Variants in TANC2 observed in about 807,000 individuals in gnomAD.
The protein encoded by TANC2 is protein TANC2.
TANC2 carries 26 observed loss-of-function variants against 210.5 expected under a neutral mutation model. The ratio of observed to expected loss-of-function variants is 0.12; its 90% CI spans 0.09 to 0.17. The LOEUF is 0.17. Ranked by LOEUF, TANC2 falls within the 10% of genes least tolerant of loss-of-function variation. The pLI is 1.00. For missense variants in TANC2, 2,129 were observed against 2,608.9 expected (o/e 0.82, Z 4.01); for synonymous variants, 931 against 967.1 (o/e 0.96, Z 0.69).
At chr17:63,243,935 A>G (rs995454566) in intron 8 of TANC2, among the ~76,000 whole-genome samples, 1 of 152,214 alleles carries the variant, frequency 6.6e-6, no homozygotes, top group Admixed American at 6.5e-5. Context: ...TCTTTTTTAC[A>G]TTATAAACTG....
At chr17:63,310,627 G>C (rs1352538108) in intron 9 of TANC2, among the ~76,000 whole-genome samples, 1 of 152,126 alleles carries the variant, frequency 6.6e-6, no homozygotes, top group Non-Finnish European at 1.5e-5. Context: ...GTGAGTAAAA[G>C]CCATGAACAG....
chr17:63,061,576 T>C (rs1011788847), intron 2 of TANC2, among the ~76,000 whole-genome samples: 3 of 152,202 alleles, frequency 2.0e-5, no homozygotes, highest in African/African-American at 7.2e-5. Context: ...TATATATGTC[T>C]ATGTATGCAT....
chr17:63,238,455 A>AT (rs1292185613), intron 8 of TANC2, among the ~76,000 whole-genome samples: 1 of 152,196 alleles, frequency 6.6e-6, no homozygotes, highest in African/African-American at 2.4e-5. Context: ...CATTACTAAA[A>AT]TTGGCATATC....
At chr17:63,158,267 A>C (rs2039906739) in intron 5 of TANC2, among the ~76,000 whole-genome samples, 1 of 152,214 alleles carries the variant, frequency 6.6e-6, no homozygotes, top group Non-Finnish European at 1.5e-5. Context: ...CACTCACTCC[A>C]TAAGGTGTTT....
intron 4 of TANC2, chr17:63,148,947 C>T (rs2039554309): frequency 6.6e-6 from 1 of 152,136 alleles, no homozygotes; most frequent in Non-Finnish European, 1.5e-5. Context: ...TTTTCTGTGA[C>T]TTGGATGAGA....
intron 7 of TANC2, among the ~76,000 whole-genome samples, chr17:63,206,144 A>G (rs1409197789): frequency 6.6e-6 from 1 of 152,218 alleles, no homozygotes; most frequent in African/African-American, 2.4e-5. Flanking sequence ...CAAAACCACA[A>G]TAAAACACTA....
intron 5 of TANC2, among the ~76,000 whole-genome samples, chr17:63,180,998 T>G (rs747050797): frequency 1.7e-5 from 2 of 115,260 alleles, no homozygotes; most frequent in Non-Finnish European, 3.2e-5. Flanking sequence ...CACTCCAGCC[T>G]GGGTGACAGA....
intron 14 of TANC2, among the ~76,000 whole-genome samples, chr17:63,363,727 T>C (rs2047030580): frequency 6.6e-6 from 1 of 152,230 alleles, no homozygotes; most frequent in African/African-American, 2.4e-5. Context: ...ACATGTCTGT[T>C]TTTATACCAG....
At chr17:63,180,770 A>G (rs1420633287) in intron 5 of TANC2, among the ~76,000 whole-genome samples, 1 of 152,114 alleles carries the variant, frequency 6.6e-6, no homozygotes, top group Non-Finnish European at 1.5e-5. Context: ...CACACCTGTA[A>G]TCCCAGCATT....
intron 10 of TANC2, 37 bp downstream of exon 10, chr17:63,314,706 G>T: frequency 6.3e-7 from 1 of 1,596,034 alleles, no homozygotes; most frequent in Non-Finnish European, 8.5e-7. Context: ...CTGTTTCATT[G>T]GCGCTGAAGT....
intron 10 of TANC2, among the ~76,000 whole-genome samples, chr17:63,317,893 A>C (rs1445969745): frequency 6.6e-6 from 1 of 152,248 alleles, no homozygotes; most frequent in African/African-American, 2.4e-5. Flanking sequence ...ATACCAGATA[A>C]AGGGGAATAG....
At chr17:63,050,852 A>G (rs2035557445) in intron 2 of TANC2, among the ~76,000 whole-genome samples, 1 of 152,234 alleles carries the variant, frequency 6.6e-6, no homozygotes, top group Non-Finnish European at 1.5e-5. Context: ...GGAAAAATAA[A>G]TTGATGGCAG....
chr17:63,205,450 A>G (rs567087417), intron 7 of TANC2, among the ~76,000 whole-genome samples: 1 of 149,612 alleles, frequency 6.7e-6, no homozygotes, highest in East Asian at 2.0e-4. Flanking sequence ...GTATTCATGG[A>G]TTGGATATAG....
rs144720536 is a variant in TANC2 at position 62,996,970 on chromosome 17, C to A, written c.-23-12567C>A. ...CTGCGATTACAAGTGCGCACCACCACGTCTGGCTAATTTTTTGTATTTTTA... is the reference window on the plus strand; with the variant it reads ...CTGCGATTACAAGTGCGCACCACCAAGTCTGGCTAATTTTTTGTATTTTTA... On this transcript the variant is annotated intron_variant, in intron 1 of 27. Transcript: ENST00000689528. Among the ~76,000 whole-genome samples, 743 of 146,328 alleles carry A rather than the reference C, an allele frequency of 5.1e-3. 11 individuals carry two copies. Among genetic ancestry groups the A allele is most frequent in the African/African-American group, 0.018 (678 of 37,650 alleles).
At chr17:63,235,956 A>C (rs1254794551) in intron 7 of TANC2, among the ~76,000 whole-genome samples, 1 of 152,026 alleles carries the variant, frequency 6.6e-6, no homozygotes, top group Non-Finnish European at 1.5e-5. Context: ...GAGACCTTTC[A>C]GTTTATTTTA....
intron 1 of TANC2, among the ~76,000 whole-genome samples, chr17:62,987,568 G>A (rs1598195076): frequency 6.6e-6 from 1 of 152,250 alleles, no homozygotes; most frequent in East Asian, 1.9e-4. Flanking sequence ...GGACTAGTGG[G>A]GTTCTTCTGC....
chr17:63,315,148 G>C (rs2045274539), intron 10 of TANC2, among the ~76,000 whole-genome samples: 1 of 152,130 alleles, frequency 6.6e-6, no homozygotes, highest in Non-Finnish European at 1.5e-5. Flanking sequence ...CTTGTGAAAA[G>C]GTGCTGAGCT....
intron 18 of TANC2, chr17:63,396,373 C>G (rs1382081512): frequency 6.0e-6 from 1 of 166,302 alleles, no homozygotes; most frequent in African/African-American, 2.4e-5. Context: ...GTTTAGTTTC[C>G]CATCAGCAAA....
rs566845189 is a variant in TANC2 at position 63,351,210 on chromosome 17, A to C, written c.1808-40A>C. The C allele has an allele frequency of 1.1e-5, 17 of 1,529,484 alleles. No homozygotes were observed. The African/African-American group carries it at 2.4e-4, about 21-fold the overall frequency. The allele number at this position is 1,529,484 out of a possible 1,614,324, so 94.7% of individuals were successfully genotyped here. A position where few individuals can be genotyped will look rare whatever the true frequency, so the allele number is the denominator to read the frequency against. ...AGATCCAGTAAGAACTCATTTATCC[A>C]CTTGGTAATTATTAAGTAATGTGTT... On this transcript the variant is annotated intron_variant, in intron 12 of 27. Transcript: ENST00000689528.
Sources: gnomAD v4.1 joint callset for allele counts (sites outside exome capture counted in the v4.1 genomes callset) on GRCh38, gnomAD v4.1.1 for gene constraint, MANE v1.5 for transcripts, NCBI Gene and HGNC (gene_info 2026-07-23, HGNC 2026-07-21) for gene names.